The following ITCH variants were observed in gnomAD, a reference collection of about 807,000 sequenced individuals.
ITCH encodes the protein itchy E3 ubiquitin protein ligase, also known as E3 ubiquitin-protein ligase Itchy homolog.
In ITCH, 28 loss-of-function variants were observed where a neutral mutation model predicts 126.8. That is an observed-to-expected ratio of 0.22 (90% CI 0.16 to 0.30). The LOEUF is 0.30. ITCH is among the 10% of genes least tolerant of loss of function. The probability of loss-of-function intolerance (pLI) is 1.00; values close to 1 mark genes in which losing one functional copy is unlikely to be tolerated. For synonymous variants in ITCH, 342 were observed against 340.0 expected (o/e 1.01, Z -0.06); for missense variants, 631 against 1,032.4 (o/e 0.61, Z 5.33).
At chr20:34,419,748 C>T (rs759243842) in intron 6 of ITCH, among the ~76,000 whole-genome samples, 13 of 151,830 alleles carry the variant, frequency 8.6e-5, no homozygotes, top group Admixed American at 6.6e-5. Context: ...TCCGCCTTGC[C>T]GGTTCACGCC....
intron 23 of ITCH, among the ~76,000 whole-genome samples, chr20:34,502,483 G>A (rs1569011104): frequency 6.6e-6 from 1 of 152,172 alleles, no homozygotes; most frequent in Non-Finnish European, 1.5e-5. Context: ...GGCCGAGACG[G>A]TTGGGTCACT....
intron 12 of ITCH, chr20:34,450,842 A>C (rs1401647476): frequency 1.3e-5 from 2 of 152,228 alleles, no homozygotes; most frequent in Non-Finnish European, 2.9e-5. Flanking sequence ...AATAAATGCT[A>C]CTGGGGGTAT....
intron 18 of ITCH, 95 bp from the exon 19 acceptor site, chr20:34,480,504 G>A: frequency 1.4e-6 from 2 of 1,450,060 alleles, no homozygotes; most frequent in Non-Finnish European, 1.9e-6. Context: ...GCCTGACCCA[G>A]GGAAGTGTTT....
intron 7 of ITCH, among the ~76,000 whole-genome samples, chr20:34,435,527 G>A (rs1362360203): frequency 6.6e-6 from 1 of 152,118 alleles, no homozygotes; most frequent in Admixed American, 6.6e-5. Flanking sequence ...AATTGGTAGT[G>A]AAAACCTCTG....
At position 34,443,592 on chromosome 20, in the gene ITCH, C is replaced by T. The variant is rs1984052824; in HGVS notation, c.965+1289C>T. On this transcript the variant is annotated intron_variant, in intron 10 of 24. Coordinates refer to ENST00000374864, the MANE Select transcript of ITCH (RefSeq NM_031483.7). ...TAACAAACATGGAAAAATACTTAACCTTGTTAGTAATCTGAAGGAAATATA... is the reference window on the plus strand; with the variant it reads ...TAACAAACATGGAAAAATACTTAACTTTGTTAGTAATCTGAAGGAAATATA... Among the ~76,000 whole-genome samples, 3 of 152,002 alleles carry T rather than the reference C, an allele frequency of 2.0e-5. No individual in the cohort carries two copies. In the South Asian group the frequency reaches 6.2e-4, roughly 32 times the overall value.
At position 34,376,477 on chromosome 20, in the gene ITCH, T is replaced by A. The variant is rs534504384; in HGVS notation, c.-22+7007T>A. Among the ~76,000 whole-genome samples the A allele has an allele frequency of 1.4e-3, 211 of 151,792 alleles. 3 individuals are homozygous for A. Among genetic ancestry groups the A allele is most frequent in the African/African-American group, 4.9e-3 (201 of 41,410 alleles). On this transcript the variant is annotated intron_variant, in intron 2 of 24. Coordinates refer to ENST00000374864, the MANE Select transcript of ITCH (RefSeq NM_031483.7). ...ATAAATACATAAATAAATAAATAAATAAAACAGTTCAAACAATACCTCAAA... is the reference window on the plus strand; with the variant it reads ...ATAAATACATAAATAAATAAATAAAAAAAACAGTTCAAACAATACCTCAAA...
At chr20:34,401,622 G>A in intron 3 of ITCH, 1 of 982,076 alleles carries the variant, frequency 1.0e-6, no homozygotes, top group Non-Finnish European at 1.2e-6. Flanking sequence ...AGCCCCAGAT[G>A]GGGAACATGT....
At chr20:34,392,173 G>C (rs1481408239) in intron 2 of ITCH, among the ~76,000 whole-genome samples, 1 of 152,158 alleles carries the variant, frequency 6.6e-6, no homozygotes, top group Non-Finnish European at 1.5e-5. Context: ...CAAGCCATTT[G>C]AATCAGAATA....
intron 3 of ITCH, among the ~76,000 whole-genome samples, chr20:34,398,763 G>T (rs1342243740): frequency 2.0e-5 from 3 of 151,688 alleles, no homozygotes; most frequent in Non-Finnish European, 4.4e-5. Context: ...TGCTAATTGG[G>T]TCTAAATATT....
At chr20:34,506,818 C>T (rs73259107) in intron 24 of ITCH, among the ~76,000 whole-genome samples, 2,809 of 152,132 alleles carry the variant, frequency 0.018, 79 homozygotes, top group African/African-American at 0.055. Flanking sequence ...TAGAATCGTA[C>T]CTTATTTGTC....
At chr20:34,504,271 G>T in intron 23 of ITCH, 60 bp from the exon 24 acceptor site, 1 of 1,246,514 alleles carries the variant, frequency 8.0e-7, no homozygotes, top group South Asian at 1.2e-5. Context: ...TGTTGGATTG[G>T]GGAACACAGT....
At chr20:34,410,848 T>C (rs4911420) in intron 4 of ITCH, among the ~76,000 whole-genome samples, 83,346 of 152,052 alleles carry the variant, frequency 0.55, 23,354 homozygotes, top group Admixed American at 0.64. Context: ...GTCATGAACT[T>C]CTTAGTGATT....
intron 11 of ITCH, among the ~76,000 whole-genome samples, chr20:34,446,427 C>T (rs927111946): frequency 1.3e-5 from 2 of 152,166 alleles, no homozygotes; most frequent in Non-Finnish European, 2.9e-5. Flanking sequence ...TATACCTCAT[C>T]ATCATAATAG....
intron 2 of ITCH, among the ~76,000 whole-genome samples, chr20:34,381,215 A>T (rs1034238967): frequency 6.6e-6 from 1 of 152,120 alleles, no homozygotes; most frequent in African/African-American, 2.4e-5. Context: ...AGCCTGGCCA[A>T]CAAAGTCTAC....
intron 23 of ITCH, among the ~76,000 whole-genome samples, chr20:34,496,803 C>T (rs1249891617): frequency 1.0e-5 from 1 of 99,410 alleles, no homozygotes; most frequent in Non-Finnish European, 2.0e-5. Context: ...CACTCCATCT[C>T]AAAAAAAAAA....
chr20:34,471,381 T>G (rs1987604285), intron 15 of ITCH, 63 bp from the exon 16 acceptor site: 1 of 928,318 alleles, frequency 1.1e-6, no homozygotes, highest in South Asian at 1.3e-5. Flanking sequence ...ACTTTCCCCT[T>G]TTGATTTTTT....
At chr20:34,441,936 T>C (rs748295504) in intron 9 of ITCH, 2 of 425,034 alleles carry the variant, frequency 4.7e-6, no homozygotes, top group Non-Finnish European at 8.8e-6. Flanking sequence ...GTGACTTCGG[T>C]ATCCTAGGTA....
intron 13 of ITCH, among the ~76,000 whole-genome samples, chr20:34,458,535 CAA>C (rs1986234009): frequency 6.6e-6 from 1 of 152,180 alleles, no homozygotes; most frequent in Non-Finnish European, 1.5e-5. Flanking sequence ...GGCGCCTTAA[CAA>C]AGTACCACAG....
At chr20:34,408,896 C>A in intron 4 of ITCH, 104 bp downstream of exon 4, 1 of 1,140,756 alleles carries the variant, frequency 8.8e-7, no homozygotes. Flanking sequence ...GTTGTTGTTC[C>A]TCCTTTCTCT....
Sources: gnomAD v4.1 joint callset for allele counts (sites outside exome capture counted in the v4.1 genomes callset) on GRCh38, gnomAD v4.1.1 for gene constraint, MANE v1.5 for transcripts, NCBI Gene and HGNC (gene_info 2026-07-23, HGNC 2026-07-21) for gene names.